TMCC3: variants seen among roughly 807,000 people sequenced by gnomAD.
The protein encoded by TMCC3 is transmembrane and coiled-coil domain protein 3.
A neutral mutation model predicts 40.2 loss-of-function variants in TMCC3; 28 were observed. The observed-to-expected ratio is 0.70, with a 90% CI of 0.52 to 0.95. The LOEUF (loss-of-function observed/expected upper bound fraction) is 0.95, where lower values mean the gene tolerates loss of function less well. TMCC3 is among the 40% of genes least tolerant of loss of function. TMCC3 has a pLI of 0.00. For missense variants in TMCC3, 554 were observed against 615.2 expected (o/e 0.90, Z 1.05); for synonymous variants, 255 against 248.5 (o/e 1.03, Z -0.25).
chr12:94,586,738 C>T (rs1439729720), intron 1 of TMCC3, among the ~76,000 whole-genome samples: 2 of 152,220 alleles, frequency 1.3e-5, no homozygotes, highest in African/African-American at 4.8e-5. Flanking sequence ...ACAGACCTCT[C>T]GTTACAGGAC....
rs1566322322 is a variant in TMCC3 at position 94,597,157 on chromosome 12, ATGTATAT to A, written c.79-14626_79-14620del. Among the ~76,000 whole-genome samples the A allele has an allele frequency of 2.8e-3, 66 of 23,948 alleles. 1 individual carries two copies. Among genetic ancestry groups the A allele is most frequent in the African/African-American group, 4.0e-3 (35 of 8,770 alleles). The allele number at this position is 23,948 out of a possible 152,430, so 15.7% of individuals were successfully genotyped here. ...TATATATATATATATATATATATATATGTATATAAATTAGCCAGGCCTGCTGGCGTGC... is the reference window on the plus strand; with the variant it reads ...TATATATATATATATATATATATATAAAATTAGCCAGGCCTGCTGGCGTGC... On this transcript the variant is annotated intron_variant, in intron 1 of 3. Transcript: ENST00000261226.
chr12:94,602,574 T>C (rs1214169893), intron 1 of TMCC3, among the ~76,000 whole-genome samples: 1 of 152,212 alleles, frequency 6.6e-6, no homozygotes, highest in African/African-American at 2.4e-5. Flanking sequence ...AACTTGTAGA[T>C]AACTGAAACT....
chr12:94,573,071 C>T (rs892496503), intron 3 of TMCC3, among the ~76,000 whole-genome samples: 5 of 152,152 alleles, frequency 3.3e-5, no homozygotes. Flanking sequence ...AAATGCAACA[C>T]GTACAAATGT....
At chr12:94,646,444 T>TA (rs1406641538) in intron 1 of TMCC3, among the ~76,000 whole-genome samples, 1 of 144,508 alleles carries the variant, frequency 6.9e-6, no homozygotes, top group Non-Finnish European at 1.5e-5. Context: ...TTTTTTTTTT[T>TA]TTTTTTTTTT....
intron 1 of TMCC3, among the ~76,000 whole-genome samples, chr12:94,594,334 C>A (rs1216972256): frequency 6.6e-6 from 1 of 151,996 alleles, no homozygotes; most frequent in Non-Finnish European, 1.5e-5. Flanking sequence ...CTCAAGTTAT[C>A]CTCTCACCCT....
intron 1 of TMCC3, among the ~76,000 whole-genome samples, chr12:94,643,413 G>A (rs1250747031): frequency 1.3e-5 from 2 of 152,144 alleles, no homozygotes; most frequent in Non-Finnish European, 2.9e-5. Flanking sequence ...GAGGAGACAC[G>A]TTTGCAGGCA....
intron 1 of TMCC3, among the ~76,000 whole-genome samples, chr12:94,646,431 C>CTTTTT (rs34398994): frequency 1.3e-3 from 121 of 90,710 alleles, no homozygotes; most frequent in East Asian, 2.2e-3. Context: ...AAGCACACAC[C>CTTTTT]TTTTTTTTTT....
intron 1 of TMCC3, among the ~76,000 whole-genome samples, chr12:94,602,655 C>T (rs2068759614): frequency 6.6e-6 from 1 of 152,220 alleles, no homozygotes. Flanking sequence ...CAAGGTCTTG[C>T]TCTGTTGCCC....
chr12:94,572,005 T>C (rs901652970), intron 3 of TMCC3, among the ~76,000 whole-genome samples: 1 of 152,218 alleles, frequency 6.6e-6, no homozygotes, highest in African/African-American at 2.4e-5. Flanking sequence ...TTTTTGACTT[T>C]ACCTGTTTTT....
At chr12:94,615,326 C>T (rs1055299658) in intron 1 of TMCC3, among the ~76,000 whole-genome samples, 35 of 152,124 alleles carry the variant, frequency 2.3e-4, no homozygotes, top group African/African-American at 7.7e-4. Flanking sequence ...AAGCATGGTC[C>T]GAGGAGGCCC....
chr12:94,607,017 A>C (rs1338515226), intron 1 of TMCC3, among the ~76,000 whole-genome samples: 1 of 152,158 alleles, frequency 6.6e-6, no homozygotes, highest in Non-Finnish European at 1.5e-5. Flanking sequence ...CCTTATCTAA[A>C]TTGCATAAGA....
chr12:94,635,660 GTTTTTTTTTTTTTT>G (rs63480462), intron 1 of TMCC3, among the ~76,000 whole-genome samples: 68 of 89,304 alleles, frequency 7.6e-4, no homozygotes, highest in Non-Finnish European at 1.9e-4. Flanking sequence ...GTGTATGTGG[GTTTTTTTTTTTTTT>G]TTTTTTTTTG....
Position 94,570,154 on chromosome 12 carries a change from T to C in TMCC3, c.*1281A>G, listed in dbSNP as rs1018945805. The C allele has an allele frequency of 3.3e-5, 5 of 152,220 alleles. No individual in the cohort carries two copies. Among genetic ancestry groups the C allele is most frequent in the Admixed American group, 3.3e-4 (5 of 15,276 alleles). 9.4% of individuals were successfully genotyped at this position (152,220 alleles called of 1,614,324 possible). Reference sequence around the variant, plus strand: ...AAACACTGGACTTAATTTATTTTATTCTTGCTAGTCTTTCACTTCTCAAAG... The same window carrying C: ...AAACACTGGACTTAATTTATTTTATCCTTGCTAGTCTTTCACTTCTCAAAG... On this transcript the variant is annotated 3_prime_UTR_variant, in exon 4 of 4. Transcript: ENST00000261226.
chr12:94,618,215 T>A (rs1303723060), intron 1 of TMCC3, among the ~76,000 whole-genome samples: 1 of 152,232 alleles, frequency 6.6e-6, no homozygotes, highest in African/African-American at 2.4e-5. Flanking sequence ...GGGATCTAAC[T>A]TGTCTTTACC....
chr12:94,632,195 T>C (rs770798093), intron 1 of TMCC3, among the ~76,000 whole-genome samples: 2 of 152,212 alleles, frequency 1.3e-5, no homozygotes, highest in African/African-American at 2.4e-5. Context: ...TCCGGGGTGA[T>C]AGAAATATTC....
intron 1 of TMCC3, among the ~76,000 whole-genome samples, chr12:94,600,177 CAT>C (rs1180347314): frequency 6.6e-6 from 1 of 150,412 alleles, no homozygotes; most frequent in Non-Finnish European, 1.5e-5. Context: ...GGGTAAACAG[CAT>C]AATTATTTTA....
intron 1 of TMCC3, among the ~76,000 whole-genome samples, chr12:94,608,157 T>C (rs1228862696): frequency 1.3e-5 from 2 of 152,224 alleles, no homozygotes; most frequent in African/African-American, 4.8e-5. Context: ...GGTATGTTTA[T>C]TAAGGGACAC....
At chr12:94,617,914 T>C (rs774349513) in intron 1 of TMCC3, among the ~76,000 whole-genome samples, 18 of 152,176 alleles carry the variant, frequency 1.2e-4, no homozygotes, top group Non-Finnish European at 2.5e-4. Context: ...AAGTTAATAT[T>C]GCATAGCCTC....
Position 94,569,924 on chromosome 12 carries a change from A to G in TMCC3, c.*1511T>C, listed in dbSNP as rs1322222258. ...AGGGGCTCAACAGCAGTTTCCATGAACATTGTTTCCATCTTCCTCTTTGTT... is the reference window on the plus strand; with the variant it reads ...AGGGGCTCAACAGCAGTTTCCATGAGCATTGTTTCCATCTTCCTCTTTGTT... On this transcript the variant is annotated 3_prime_UTR_variant, in exon 4 of 4. Transcript: ENST00000261226. 6.6e-6 allele frequency: 1 copy of G among 152,210 alleles called. No homozygotes were observed. Among genetic ancestry groups the G allele is most frequent in the Non-Finnish European group, 1.5e-5 (1 of 68,046 alleles). The allele number at this position is 152,210 out of a possible 1,614,324, so 9.4% of individuals were successfully genotyped here.
Sources: allele counts gnomAD v4.1 joint callset (sites outside exome capture counted in the v4.1 genomes callset), GRCh38; gene constraint gnomAD v4.1.1; transcripts MANE v1.5; gene names NCBI Gene and HGNC (gene_info 2026-07-23, HGNC 2026-07-21).